Variants in PCM1 observed in about 807,000 individuals in gnomAD.
PCM1 encodes pericentriolar material 1 protein.
A neutral mutation model predicts 241.9 loss-of-function variants in PCM1; 157 were observed. The ratio of observed to expected loss-of-function variants is 0.65; its 90% confidence interval spans 0.57 to 0.74. The LOEUF (loss-of-function observed/expected upper bound fraction) is 0.74. Among genes scored for constraint, PCM1 ranks in the 30% least tolerant of loss-of-function variants. The pLI is 0.00. For missense variants in PCM1, 3,478 were observed against 2,360.1 expected, an observed-to-expected ratio of 1.47 and a Z score of -9.81; for synonymous variants, 1,085 against 784.9, an observed-to-expected ratio of 1.38 and a Z score of -6.39.
At chr8:17,936,129 C>A (rs850835) in intron 3 of PCM1, among the ~76,000 whole-genome samples, 12 of 151,952 alleles carry the variant, frequency 7.9e-5, no homozygotes, top group African/African-American at 2.9e-4. Flanking sequence ...TTGTTCTAAA[C>A]CTTTTAGTTA....
rs935713137 is a variant in PCM1, at chr8:17,960,366, A to T, written c.2244A>T (p.Gln748His). Residue 748 changes from glutamine to histidine, a missense_variant, in exon 15 of 39, where the codon CAA (glutamine) becomes CAT (histidine). By Grantham distance (24) the Gln-to-His change is conservative. Transcript: ENST00000325083. Reference protein sequence around the residue: ...KLQQQQRELKQLQEERKKLID... With the variant: ...KLQQQQRELKHLQEERKKLID... ...AGCAGCAACAGAGAGAGCTAAAACA[A>T]TTGCAGGAAGAAAGAAAGAAACTGA... is the stretch of plus-strand genomic sequence containing the variant. 6.2e-7 allele frequency: 1 copy of T among 1,607,830 alleles called. No individual in the cohort carries two copies. Among genetic ancestry groups the T allele is most frequent in the African/African-American group, 1.3e-5 (1 of 74,416 alleles).
intron 33 of PCM1, 69 bp from the exon 34 acceptor site, chr8:18,011,598 C>T: frequency 1.5e-6 from 2 of 1,368,754 alleles, no homozygotes; most frequent in East Asian, 2.5e-5. Flanking sequence ...TGCAGGAATG[C>T]AGTAAGTGGT....
At chr8:17,968,228 G>A (rs375917322) in intron 21 of PCM1, among the ~76,000 whole-genome samples, 3 of 152,178 alleles carry the variant, frequency 2.0e-5, no homozygotes, top group Non-Finnish European at 2.9e-5. Flanking sequence ...TTTAGGGGAA[G>A]AGTAATTGAT....
At chr8:17,981,445 T>G (rs1372127309) in intron 24 of PCM1, among the ~76,000 whole-genome samples, 1 of 152,166 alleles carries the variant, frequency 6.6e-6, no homozygotes, top group African/African-American at 2.4e-5. Flanking sequence ...ATTATAGTAT[T>G]TCCCTGTTTG....
intron 29 of PCM1, among the ~76,000 whole-genome samples, chr8:17,998,566 G>C (rs2087882606): frequency 6.6e-6 from 1 of 152,200 alleles, no homozygotes; most frequent in African/African-American, 2.4e-5. Flanking sequence ...GGGTGATGGA[G>C]GCACCCCTTT....
At chr8:17,935,815 C>G in intron 3 of PCM1, 109 bp downstream of exon 3, 1 of 604,854 alleles carries the variant, frequency 1.7e-6, no homozygotes, top group South Asian at 2.2e-5. Flanking sequence ...ACTTGCTGGC[C>G]AAGACATTAA....
intron 30 of PCM1, among the ~76,000 whole-genome samples, chr8:18,008,071 T>C (rs1473846354): frequency 6.6e-6 from 1 of 152,134 alleles, no homozygotes; most frequent in African/African-American, 2.4e-5. Flanking sequence ...AAGCACAGAT[T>C]CCAAAGAATA....
intron 36 of PCM1, among the ~76,000 whole-genome samples, chr8:18,019,811 C>G (rs945867306): frequency 2.6e-5 from 4 of 152,184 alleles, no homozygotes; most frequent in African/African-American, 9.7e-5. Flanking sequence ...AGGCCCTGGA[C>G]TGGTACTGGG....
At chr8:18,019,767 C>G (rs1213107498) in intron 36 of PCM1, among the ~76,000 whole-genome samples, 1 of 152,186 alleles carries the variant, frequency 6.6e-6, no homozygotes, top group Admixed American at 6.5e-5. Flanking sequence ...CTCCCCCCAC[C>G]ACTCACCTCC....
At chr8:18,005,880 G>A (rs577443969) in intron 29 of PCM1, among the ~76,000 whole-genome samples, 1 of 152,264 alleles carries the variant, frequency 6.6e-6, no homozygotes, top group South Asian at 2.1e-4. Flanking sequence ...AGGGAATTGG[G>A]TACAAGGTGA....
In PCM1 at chr8:17,956,467, C is replaced by T. The variant is rs563158858; in HGVS notation, c.1473-137C>T. The stretch of plus-strand genomic sequence containing the variant: ...TAACCTCATTATTTTACAGTCATAC[C>T]CCCTGGAGAGTTCACTAGGTGGATA... On this transcript the variant is annotated intron_variant, in intron 10 of 38. Coordinates refer to ENST00000325083, the MANE Select transcript of PCM1 (RefSeq NM_006197.4). 8.1e-6 allele frequency: 5 copies of T among 615,226 alleles called. No homozygotes were observed. The South Asian group carries it at 8.2e-5, about 10-fold the overall frequency. The allele number at this position is 615,226 out of a possible 1,614,324, so 38.1% of individuals were successfully genotyped here. A position where few individuals can be genotyped will look rare whatever the true frequency, so the allele number is the denominator to read the frequency against.
intron 29 of PCM1, among the ~76,000 whole-genome samples, chr8:18,003,851 C>T (rs2090420796): frequency 1.3e-5 from 2 of 151,904 alleles, no homozygotes; most frequent in East Asian, 3.9e-4. Context: ...AGCTTGAAAC[C>T]ATTGCCTCAA....
chr8:18,007,845 G>T (rs974448791), intron 30 of PCM1, among the ~76,000 whole-genome samples: 4 of 151,644 alleles, frequency 2.6e-5, no homozygotes, highest in Non-Finnish European at 4.4e-5. Context: ...GTCTTTTGGT[G>T]GGGGAGAGGA....
At chr8:17,991,138 T>A (rs1433636837) in intron 27 of PCM1, among the ~76,000 whole-genome samples, 1 of 152,104 alleles carries the variant, frequency 6.6e-6, no homozygotes, top group Non-Finnish European at 1.5e-5. Context: ...TTTTCTTACC[T>A]AATTTGCTTG....
At chr8:17,940,106 C>G (rs2061582934) in intron 6 of PCM1, 2 of 1,577,538 alleles carry the variant, frequency 1.3e-6, no homozygotes, top group Non-Finnish European at 1.7e-6. Flanking sequence ...GGTTCTGTAG[C>G]TGAGAGCACA....
chr8:18,024,328 C>A (rs2093993268), intron 36 of PCM1, among the ~76,000 whole-genome samples: 1 of 152,052 alleles, frequency 6.6e-6, no homozygotes, highest in East Asian at 1.9e-4. Context: ...ATTGCCCCTG[C>A]TGCATTCCAG....
At chr8:17,926,869 C>G (rs1563563173) in intron 2 of PCM1, 1 of 152,094 alleles carries the variant, frequency 6.6e-6, no homozygotes. Context: ...TTCAGAAGTT[C>G]AGGATCCTGA....
chr8:17,960,811 A>G (rs1406996203), intron 15 of PCM1, among the ~76,000 whole-genome samples: 3 of 151,924 alleles, frequency 2.0e-5, no homozygotes, highest in African/African-American at 7.3e-5. Flanking sequence ...GGCGCGAGAA[A>G]CTACTCTTTT....
chr8:17,980,770 G>A lies in PCM1; in HGVS notation c.4108+15G>A, dbSNP rs1288881953. On this transcript the variant is annotated intron_variant, in intron 24 of 38. Coordinates refer to ENST00000325083, the MANE Select transcript of PCM1 (RefSeq NM_006197.4). ...AATATCTTCAGGTATGTTCTTTTTT[G>A]GTTTGCATTAATATAAGGAGGTTTT... is the stretch of plus-strand genomic sequence containing the variant. 2 of 1,581,844 alleles carry A rather than the reference G, an allele frequency of 1.3e-6. No homozygotes were observed. The highest frequency in any genetic ancestry group is 2.2e-5 in the East Asian group (1 of 44,562).
Sources: allele counts gnomAD v4.1 joint callset (sites outside exome capture counted in the v4.1 genomes callset), GRCh38; gene constraint gnomAD v4.1.1; transcripts MANE v1.5; gene names NCBI Gene and HGNC (gene_info 2026-07-23, HGNC 2026-07-21).